Variants in ZFHX3 observed in about 807,000 individuals in gnomAD.
ZFHX3 encodes zinc finger homeobox 3.
A neutral mutation model predicts 279.1 loss-of-function variants in ZFHX3; 42 were observed. That is an observed-to-expected ratio of 0.15 (90% CI 0.12 to 0.19). The LOEUF (loss-of-function observed/expected upper bound fraction) is 0.19, where lower values mean the gene tolerates loss of function less well. Among genes scored for constraint, ZFHX3 ranks in the 10% least tolerant of loss-of-function variants. The pLI is 1.00. For missense variants in ZFHX3, 4,981 were observed against 4,754.0 expected (o/e 1.05, Z -1.40); for synonymous variants, 2,293 against 1,957.8 (o/e 1.17, Z -4.52).
intron 7 of ZFHX3, among the ~76,000 whole-genome samples, chr16:72,808,493 C>G (rs1032533989): frequency 2.6e-5 from 4 of 152,230 alleles, no homozygotes; most frequent in Admixed American, 2.0e-4. Context: ...ATACATCTTT[C>G]AGTAAAAAGT....
At chr16:73,250,367 C>T (rs28610922) in intron 5 of ZFHX3, among the ~76,000 whole-genome samples, 27,800 of 152,016 alleles carry the variant, frequency 0.18, 3,099 homozygotes, top group Non-Finnish European at 0.26. Context: ...TCTAGCCGTT[C>T]AGTTTTTGTG....
chr16:73,860,747 C>G lies in ZFHX3; in HGVS notation c.-1608+30904G>C, dbSNP rs148004976. On this transcript the variant is annotated intron_variant, in intron 1 of 17. Coordinates refer to the ZFHX3 transcript ENST00000641206. Reference sequence around the variant, plus strand: ...CACTTGATAAAAGTTCAGGCCTTCTCCGTGCAGAACTCTGCTTGTCATTCC... The same window carrying G: ...CACTTGATAAAAGTTCAGGCCTTCTGCGTGCAGAACTCTGCTTGTCATTCC... Among the ~76,000 whole-genome samples the G allele has an allele frequency of 1.9e-4, 29 of 152,240 alleles. No individual in the cohort carries two copies. The South Asian group carries it at 3.7e-3, about 20-fold the overall frequency.
At chr16:73,127,743 G>C (rs1966596330) in intron 7 of ZFHX3, 1 of 668,074 alleles carries the variant, frequency 1.5e-6, no homozygotes, top group African/African-American at 1.9e-5. Flanking sequence ...AGAGAAAGTT[G>C]GACAATGCCT....
At chr16:73,462,040 C>T (rs931439480) in intron 2 of ZFHX3, among the ~76,000 whole-genome samples, 1 of 152,170 alleles carries the variant, frequency 6.6e-6, no homozygotes, top group Non-Finnish European at 1.5e-5. Flanking sequence ...TGATTTATTT[C>T]ATCAGCACTT....
At chr16:73,286,690 T>G (rs969253931) in intron 4 of ZFHX3, among the ~76,000 whole-genome samples, 1 of 150,500 alleles carries the variant, frequency 6.6e-6, no homozygotes, top group Non-Finnish European at 1.5e-5. Context: ...GGTTGGTGTG[T>G]GAGTGTGAGT....
At chr16:72,962,647 G>C (rs530315020) in intron 1 of ZFHX3, among the ~76,000 whole-genome samples, 1 of 152,122 alleles carries the variant, frequency 6.6e-6, no homozygotes, top group African/African-American at 2.4e-5. Flanking sequence ...TCCTCTCCGG[G>C]GAGCTTAAGA....
At chr16:73,141,943 G>A (rs1597178489) in intron 6 of ZFHX3, among the ~76,000 whole-genome samples, 1 of 152,102 alleles carries the variant, frequency 6.6e-6, no homozygotes, top group East Asian at 1.9e-4. Flanking sequence ...CTAACTCAGG[G>A]TTTATACTGA....
intron 3 of ZFHX3, among the ~76,000 whole-genome samples, chr16:73,382,941 A>G (rs1168721308): frequency 6.6e-6 from 1 of 152,156 alleles, no homozygotes; most frequent in Admixed American, 6.5e-5. Context: ...AGGCAAGAAG[A>G]CCTGTTGCAG....
chr16:72,793,976 A>G lies in ZFHX3; in HGVS notation c.8706T>C (p.Tyr2902=). 6.2e-7 allele frequency: 1 copy of G among 1,614,228 alleles called. No individual in the cohort carries two copies. ...TACCTTCATTGTCATATTCCTTGCT[A>G]TAAAAGCTCGGGGCCGGGCTGACCA... ...SGLVSPAPSF[Y]SKEYDNEGTV... Residue 2902 remains tyrosine, a synonymous_variant, in exon 9 of 10, where the codon TAT becomes TAC. Transcript: ENST00000268489. The surrounding 1 kb of genome is among the most constrained non-coding windows in gnomAD (Gnocchi z 4.3).
chr16:73,622,487 G>A (rs1038928300), intron 2 of ZFHX3, among the ~76,000 whole-genome samples: 1 of 152,120 alleles, frequency 6.6e-6, no homozygotes, highest in East Asian at 1.9e-4. Flanking sequence ...GTGTGAACCG[G>A]GGAGGTGGAG....
intron 3 of ZFHX3, among the ~76,000 whole-genome samples, chr16:73,437,605 T>G (rs527998166): frequency 6.4e-4 from 98 of 152,202 alleles, no homozygotes; most frequent in Non-Finnish European, 1.2e-3. Context: ...TTTCTTCCTA[T>G]AGAAGACATT....
intron 5 of ZFHX3, among the ~76,000 whole-genome samples, chr16:73,255,910 C>G (rs1366734792): frequency 6.6e-6 from 1 of 152,182 alleles, no homozygotes. Flanking sequence ...GGCATGGCCC[C>G]TTCTCTCTAG....
intron 3 of ZFHX3, among the ~76,000 whole-genome samples, chr16:73,439,756 T>A (rs577991554): frequency 6.6e-6 from 1 of 151,956 alleles, no homozygotes; most frequent in African/African-American, 2.4e-5. Context: ...TGCTGATTCT[T>A]CTCTTTACGG....
chr16:73,735,976 T>C (rs1422396355), intron 1 of ZFHX3, among the ~76,000 whole-genome samples: 15 of 151,632 alleles, frequency 9.9e-5, no homozygotes, highest in Non-Finnish European at 1.9e-4. Context: ...CTCATACATG[T>C]TATTGGGGAT....
Position 73,291,440 on chromosome 16 carries a change from C to T in ZFHX3, c.-1194+26800G>A, listed in dbSNP as rs999053068. 3.3e-5 allele frequency among the ~76,000 whole-genome samples: 5 copies of T among 152,178 alleles called. No individual in the cohort carries two copies. The East Asian group carries it at 5.8e-4, about 18-fold the overall frequency. ...GCTCCTTGCTGGTTATGAGATTATA[C>T]GCCAGTCCTCCAGAGATACGTGTGA... On this transcript the variant is annotated intron_variant, in intron 4 of 17. Coordinates refer to the ZFHX3 transcript ENST00000641206.
intron 2 of ZFHX3, among the ~76,000 whole-genome samples, chr16:73,657,142 C>T (rs535863745): frequency 8.5e-5 from 13 of 152,194 alleles, no homozygotes; most frequent in South Asian, 4.1e-4. Context: ...AGTCCATATA[C>T]GGTAGAATTC....
chr16:73,765,084 TCTCA>T (rs923745986), intron 1 of ZFHX3, among the ~76,000 whole-genome samples: 8 of 152,210 alleles, frequency 5.3e-5, no homozygotes, highest in African/African-American at 1.9e-4. Context: ...TTCGTTTCCT[TCTCA>T]AAGTTGCTAA....
intron 2 of ZFHX3, among the ~76,000 whole-genome samples, chr16:73,592,537 C>G (rs1053470144): frequency 4.0e-5 from 6 of 151,852 alleles, no homozygotes; most frequent in East Asian, 1.9e-4. Flanking sequence ...GAGATATATA[C>G]TAAAATATTT....
intron 1 of ZFHX3, among the ~76,000 whole-genome samples, chr16:73,765,038 T>C (rs747843244): frequency 6.6e-6 from 1 of 152,234 alleles, no homozygotes; most frequent in Non-Finnish European, 1.5e-5. Context: ...CCCAACTTTA[T>C]TTCTTCCTCT....
Sources: allele counts gnomAD v4.1 joint callset (sites outside exome capture counted in the v4.1 genomes callset), GRCh38; gene constraint gnomAD v4.1.1; non-coding constraint Gnocchi (gnomAD v3.1); transcripts MANE v1.5; gene names NCBI Gene and HGNC (gene_info 2026-07-23, HGNC 2026-07-21).